The following IRX2 variants were observed in gnomAD, a reference collection of about 807,000 sequenced individuals.
IRX2 encodes iroquois-class homeodomain protein IRX-2.
In IRX2, 26 loss-of-function variants were observed where a neutral mutation model predicts 42.9. That is an observed-to-expected ratio of 0.61 (90% CI 0.44 to 0.84). The LOEUF (loss-of-function observed/expected upper bound fraction) is 0.84. Ranked by LOEUF, IRX2 falls within the 40% of genes least tolerant of loss-of-function variation. IRX2 has a pLI of 0.00. For missense variants in IRX2, 782 were observed against 713.9 expected (o/e 1.10, Z -1.09); for synonymous variants, 424 against 353.9 (o/e 1.20, Z -2.22).
At chr5:2,739,750 G>T in the IRX2 span, among the ~76,000 whole-genome samples, 1 of 152,190 alleles carries the variant, frequency 6.6e-6, no homozygotes, top group South Asian at 2.1e-4. Context: ...AGAGCTGCGG[G>T]CCTGAGGCTG....
In IRX2 at chr5:2,751,077, C is replaced by T. The variant is rs1157962862; in HGVS notation, c.249+88G>A. ...AGCCGCGCCACATTCCCGGCGGCCC[C>T]CGCCCGCCGAACCCGAGCCCCGCTC... is the stretch of plus-strand genomic sequence containing the variant. On this transcript the variant is annotated intron_variant, in intron 1 of 3. Coordinates refer to ENST00000302057, the MANE Select transcript of IRX2 (RefSeq NM_033267.5). This position sits in a 1 kb window ranked among gnomAD's most constrained non-coding sequence, Gnocchi z 4.0. 10 of 1,178,826 alleles carry T rather than the reference C, an allele frequency of 8.5e-6. No individual in the cohort carries two copies. Among genetic ancestry groups the T allele is most frequent in the Middle Eastern group, 3.4e-4 (1 of 2,942 alleles). The allele number at this position is 1,178,826 out of a possible 1,614,324, so 73.0% of individuals were successfully genotyped here. A position where few individuals can be genotyped will look rare whatever the true frequency, so the allele number is the denominator to read the frequency against.
downstream of IRX2, among the ~76,000 whole-genome samples, chr5:2,745,347 G>T (rs184747430): frequency 6.6e-6 from 1 of 151,978 alleles, no homozygotes; most frequent in Admixed American, 6.5e-5. Flanking sequence ...TTTATCTTTC[G>T]AGAGGAAATA....
the IRX2 span, among the ~76,000 whole-genome samples, chr5:2,740,822 G>C: frequency 6.6e-6 from 1 of 152,188 alleles, no homozygotes; most frequent in Non-Finnish European, 1.5e-5. Flanking sequence ...CACTGGGAAG[G>C]CGACAGCGGC....
At chr5:2,750,731 C>T (rs1433387966) in intron 1 of IRX2, among the ~76,000 whole-genome samples, 5 of 152,216 alleles carry the variant, frequency 3.3e-5, no homozygotes, top group African/African-American at 4.8e-5. Flanking sequence ...GAATGCGAAC[C>T]GCCCGGCCGT....
downstream of IRX2, among the ~76,000 whole-genome samples, chr5:2,743,294 T>C (rs1217746093): frequency 1.3e-5 from 2 of 152,198 alleles, no homozygotes; most frequent in Non-Finnish European, 2.9e-5. Flanking sequence ...CAAAGGCAGT[T>C]GCTGGGCAGC....
chr5:2,739,126 T>C, the IRX2 span, among the ~76,000 whole-genome samples: 2 of 152,322 alleles, frequency 1.3e-5, no homozygotes, highest in South Asian at 2.1e-4. Flanking sequence ...TTGTAGGGCC[T>C]GTGAAATCCG....
At chr5:2,743,536 G>T (rs1270424241), downstream of IRX2, among the ~76,000 whole-genome samples, 1 of 119,036 alleles carries the variant, frequency 8.4e-6, no homozygotes, top group Non-Finnish European at 1.8e-5. Flanking sequence ...GCCGGGCCGC[G>T]GAGCCGGGAG....
At chr5:2,741,753 G>A (rs953101024), downstream of IRX2, among the ~76,000 whole-genome samples, 2 of 152,070 alleles carry the variant, frequency 1.3e-5, no homozygotes, top group Non-Finnish European at 2.9e-5. Flanking sequence ...TGTGAATATC[G>A]AGTCCGTATT....
downstream of IRX2, among the ~76,000 whole-genome samples, chr5:2,742,462 T>C (rs1229422160): frequency 6.6e-6 from 1 of 152,228 alleles, no homozygotes; most frequent in South Asian, 2.1e-4. Context: ...CCCTTGCGAT[T>C]TGTAGAAATT....
At chr5:2,749,292 T>TC in intron 2 of IRX2, 90 bp downstream of exon 2, 8 of 1,501,130 alleles carry the variant, frequency 5.3e-6, no homozygotes, top group Non-Finnish European at 7.1e-6. Flanking sequence ...ACCTGGGGTG[T>TC]CCGGCGGGCA....
At chr5:2,743,346 C>T (rs559417745), downstream of IRX2, among the ~76,000 whole-genome samples, 1 of 152,308 alleles carries the variant, frequency 6.6e-6, no homozygotes, top group South Asian at 2.1e-4. Context: ...CAAATGTTGA[C>T]ATTTGACGGG....
intron 2 of IRX2, 66 bp from the exon 3 acceptor site, chr5:2,749,118 C>T: frequency 6.4e-7 from 1 of 1,553,434 alleles, no homozygotes; most frequent in East Asian, 2.4e-5. Flanking sequence ...CCCCCTCCGC[C>T]CCCTGTCCTG....
chr5:2,751,253 A>G lies in IRX2; in HGVS notation c.161T>C (p.Phe54Ser). The G allele has an allele frequency of 7.1e-7, 1 of 1,401,950 alleles. No individual in the cohort carries two copies. Among genetic ancestry groups the G allele is most frequent in the Non-Finnish European group, 9.3e-7 (1 of 1,077,412 alleles). The allele number at this position is 1,401,950 out of a possible 1,614,324, so 86.8% of individuals were successfully genotyped here. Reference protein sequence around the residue: ...AFSPYPGSAAFTAQAATGFGS... With the variant: ...AFSPYPGSAASTAQAATGFGS... ...GAAGCCGGTGGCCGCCTGCGCCGTG[A>G]AGGCCGCCGAGCCCGGGTAGGGGCT... The change falls in exon 1 of 4, where the codon TTC becomes TCC. Residue 54 changes from phenylalanine (F) to serine (S), a missense_variant. Phe to Ser is a radical substitution (Grantham distance 155, BLOSUM62 -2). Transcript: ENST00000302057. This position sits in a 1 kb window ranked among gnomAD's most constrained non-coding sequence, Gnocchi z 4.0.
the IRX2 span, chr5:2,737,394 C>G: frequency 2.6e-5 from 4 of 152,284 alleles, no homozygotes; most frequent in African/African-American, 9.6e-5. Context: ...AGGGCGGAGA[C>G]AGGCAGACCC....
rs779157869 is a variant in IRX2, at chr5:2,749,067, G to A, written c.656-15C>T. On this transcript the variant is annotated splice_polypyrimidine_tract_variant and intron_variant, in intron 2 of 3. Coordinates refer to ENST00000302057, the MANE Select transcript of IRX2 (RefSeq NM_033267.5). ...CAGGCTGATCCCTGTGGGGGCGCGG[G>A]CACGGTGGGTGGCACGAGGGGACAG... The A allele has an allele frequency of 1.5e-5, 24 of 1,593,648 alleles. 1 individual carries two copies. In the South Asian group the frequency reaches 2.2e-4, roughly 15 times the overall value.
At chr5:2,740,063 T>A in the IRX2 span, among the ~76,000 whole-genome samples, 1 of 151,902 alleles carries the variant, frequency 6.6e-6, no homozygotes, top group Admixed American at 6.6e-5. Context: ...CATTCCCCTA[T>A]AAGGAGGCTT....
chr5:2,748,677 C>T lies in IRX2; in HGVS notation c.1031G>A (p.Ser344Asn). ...CGGTGGCCCGCAGCCCGGGCCCAGGCTCGGCTGCTTGAGGTCCGACGTGGC... is the reference window on the plus strand; with the variant it reads ...CGGTGGCCCGCAGCCCGGGCCCAGGTTCGGCTGCTTGAGGTCCGACGTGGC... Reference protein sequence around the residue: ...EIATSDLKQPSLGPGCGPPGL... With the variant: ...EIATSDLKQPNLGPGCGPPGL... The change falls in exon 3 of 4, where the codon AGC (serine) becomes AAC (asparagine). Residue 344 changes from serine (S) to asparagine (N), a missense_variant. Ser to Asn is a conservative substitution (Grantham distance 46). Coordinates refer to ENST00000302057, the MANE Select transcript of IRX2 (RefSeq NM_033267.5). The T allele has an allele frequency of 7.2e-7, 1 of 1,394,008 alleles. No individual in the cohort carries two copies. The highest frequency in any genetic ancestry group is 9.3e-7 in the Non-Finnish European group (1 of 1,074,592). 86.4% of individuals were successfully genotyped at this position (1,394,008 alleles called of 1,614,324 possible).
At chr5:2,739,225 C>G in the IRX2 span, among the ~76,000 whole-genome samples, 704 of 152,366 alleles carry the variant, frequency 4.6e-3, 8 homozygotes, top group African/African-American at 0.016. Context: ...GCAACCCACC[C>G]CGAGCCCGCC....
Position 2,747,308 on chromosome 5 carries a change from T to C in IRX2, c.*256A>G, listed in dbSNP as rs543782236. ...TATATTACACACACACACACACACA[T>C]ATATATATATATTTTTTTTTTCCTT... On this transcript the variant is annotated 3_prime_UTR_variant, in exon 4 of 4. Coordinates refer to ENST00000302057, the MANE Select transcript of IRX2 (RefSeq NM_033267.5). 2,280 of 231,128 alleles carry C rather than the reference T, an allele frequency of 9.9e-3. 25 individuals carry two copies. Among genetic ancestry groups the C allele is most frequent in the African/African-American group, 0.033 (1,101 of 33,054 alleles). The allele number at this position is 231,128 out of a possible 1,614,324, so 14.3% of individuals were successfully genotyped here.
Sources: allele counts gnomAD v4.1 joint callset (sites outside exome capture counted in the v4.1 genomes callset), GRCh38; gene constraint gnomAD v4.1.1; non-coding constraint Gnocchi (gnomAD v3.1); transcripts MANE v1.5; gene names NCBI Gene and HGNC (gene_info 2026-07-23, HGNC 2026-07-21).